OR2T6: variants seen among roughly 807,000 people sequenced by gnomAD.
OR2T6 encodes the protein olfactory receptor 2T6.
For missense variants in OR2T6, 424 were observed against 391.6 expected, an observed-to-expected ratio of 1.08 and a Z score of -0.70; for synonymous variants, 174 against 148.0, an observed-to-expected ratio of 1.18 and a Z score of -1.27.
Position 248,384,677 on chromosome 1 carries a change from C to T in OR2T6, c.-158-34C>T, listed in dbSNP as rs192556898. On this transcript the variant is annotated intron_variant, in intron 1 of 2. Coordinates refer to ENST00000641644, the MANE Select transcript of OR2T6 (RefSeq NM_001005471.2). ...CTCCTGAAGTGCTCCCTAATGTTAT[C>T]GTCTGTTTCTGCTCCCATTGACATT... 29 of 151,986 alleles carry T rather than the reference C, an allele frequency of 1.9e-4. 1 individual carries two copies. Among genetic ancestry groups the T allele is most frequent in the African/African-American group, 6.8e-4 (28 of 41,284 alleles). 9.4% of individuals were successfully genotyped at this position (151,986 alleles called of 1,614,324 possible).
At chr1:248,379,872 A>G (rs1384042109) in intron 1 of OR2T6, among the ~76,000 whole-genome samples, 1 of 151,448 alleles carries the variant, frequency 6.6e-6, no homozygotes, top group Non-Finnish European at 1.5e-5. Flanking sequence ...TTTTTGATTT[A>G]TTTTTATCAT....
At chr1:248,386,135 C>G (rs1558307063) in intron 2 of OR2T6, among the ~76,000 whole-genome samples, 1 of 152,214 alleles carries the variant, frequency 6.6e-6, no homozygotes, top group Non-Finnish European at 1.5e-5. Flanking sequence ...TCATCTGCCT[C>G]TCTGTCTGGT....
chr1:248,385,873 G>A (rs1661128783), intron 2 of OR2T6, among the ~76,000 whole-genome samples: 1 of 152,188 alleles, frequency 6.6e-6, no homozygotes, highest in South Asian at 2.1e-4. Flanking sequence ...AATTTACTCA[G>A]CTGTGGTCCT....
Position 248,387,602 on chromosome 1 carries a change from C to G in OR2T6, c.-4-3C>G. 1.3e-6 allele frequency: 2 copies of G among 1,552,658 alleles called. No homozygotes were observed. Among genetic ancestry groups the G allele is most frequent in the South Asian group, 1.2e-5 (1 of 82,926 alleles). Reference sequence around the variant, plus strand: ...TCTTCTTATGCCTCCATTTCAAACTCAGTACCATGAATGAAAACAATGAAA... The same window carrying G: ...TCTTCTTATGCCTCCATTTCAAACTGAGTACCATGAATGAAAACAATGAAA... On this transcript the variant is annotated splice_region_variant and splice_polypyrimidine_tract_variant and intron_variant, in intron 2 of 2. Transcript: ENST00000641644.
Position 248,388,528 on chromosome 1 carries a change from G to A in OR2T6, c.920G>A (p.Arg307Lys), listed in dbSNP as rs768370679. 5.1e-6 allele frequency: 8 copies of A among 1,561,494 alleles called. No individual in the cohort carries two copies. The African/African-American group carries it at 6.8e-5, about 13-fold the overall frequency. The change falls in exon 3 of 3, where the codon AGA becomes AAA. Residue 307 changes from arginine to lysine, a missense_variant. Physicochemically the swap from Arg to Lys is conservative, Grantham distance 26. Coordinates refer to ENST00000641644, the MANE Select transcript of OR2T6 (RefSeq NM_001005471.2). ...VMGALKRVVARC is the reference protein window; with the variant it reads ...VMGALKRVVAKC ...GGTGCCTTGAAGAGAGTTGTGGCAA[G>A]ATGTTAGGGGACATGTGGTGTGATG...
At chr1:248,379,480 A>G (rs1360495145) in intron 1 of OR2T6, among the ~76,000 whole-genome samples, 13 of 152,194 alleles carry the variant, frequency 8.5e-5, no homozygotes, top group Admixed American at 8.5e-4. Flanking sequence ...AACCACAATC[A>G]AAACTTGATC....
At chr1:248,383,024 T>C (rs1661066653) in intron 1 of OR2T6, among the ~76,000 whole-genome samples, 1 of 152,204 alleles carries the variant, frequency 6.6e-6, no homozygotes, top group Non-Finnish European at 1.5e-5. Context: ...CACCCTCTCC[T>C]GAAGTGTTTC....
Position 248,388,572 on chromosome 1 carries a change from T to C in OR2T6, c.*37T>C, listed in dbSNP as rs1344987283. ...TGTGATGAGGAAAGAATTCTGATGGTCTAAAACCTCCACATCCTGTTCAGG... is the reference window on the plus strand; with the variant it reads ...TGTGATGAGGAAAGAATTCTGATGGCCTAAAACCTCCACATCCTGTTCAGG... On this transcript the variant is annotated 3_prime_UTR_variant, in exon 3 of 3. Transcript: ENST00000641644. 4 of 1,478,074 alleles carry C rather than the reference T, an allele frequency of 2.7e-6. No individual in the cohort carries two copies. In the Admixed American group the frequency reaches 8.7e-5, roughly 32 times the overall value. 91.6% of individuals were successfully genotyped at this position (1,478,074 alleles called of 1,614,324 possible). A position where few individuals can be genotyped will look rare whatever the true frequency, so the allele number is the denominator to read the frequency against.
rs773197375 is a variant in OR2T6 at position 248,382,532 on chromosome 1, C to CTTTTTTTTTTTTTTTT, written c.-158-2176_-158-2175insTTTTTTTTTTTTTTTT. ...CAATACTCCATGTCTACCTTTCTTT[C>CTTTTTTTTTTTTTTTT]TTTCTTTTTTTTTTTTTTTAGATGG... On this transcript the variant is annotated intron_variant, in intron 1 of 2. Coordinates refer to ENST00000641644, the MANE Select transcript of OR2T6 (RefSeq NM_001005471.2). Among the ~76,000 whole-genome samples the CTTTTTTTTTTTTTTTT allele has an allele frequency of 1.7e-5, 2 of 117,288 alleles. 1 individual carries two copies. Among genetic ancestry groups the CTTTTTTTTTTTTTTTT allele is most frequent in the Non-Finnish European group, 3.6e-5 (2 of 54,882 alleles). 76.9% of individuals were successfully genotyped at this position (117,288 alleles called of 152,430 possible). A position where few individuals can be genotyped will look rare whatever the true frequency, so the allele number is the denominator to read the frequency against.
intron 2 of OR2T6, among the ~76,000 whole-genome samples, chr1:248,387,102 A>C (rs1401348090): frequency 1.3e-5 from 2 of 152,234 alleles, no homozygotes; most frequent in African/African-American, 4.8e-5. Flanking sequence ...AATCATGTTT[A>C]TTACAGTTCA....
At position 248,383,252 on chromosome 1, in the gene OR2T6, C is replaced by T. The variant is rs577090065; in HGVS notation, c.-158-1459C>T. 5.4e-4 allele frequency among the ~76,000 whole-genome samples: 65 copies of T among 119,944 alleles called. 1 individual carries two copies. The highest frequency in any genetic ancestry group is 2.6e-3 in the African/African-American group (59 of 22,466). 78.7% of individuals were successfully genotyped at this position (119,944 alleles called of 152,430 possible). ...CTGAAGTGTATCCTAGTGTTATCATCATGGAGAAAGCACTGCACTAGCCTG... is the reference window on the plus strand; with the variant it reads ...CTGAAGTGTATCCTAGTGTTATCATTATGGAGAAAGCACTGCACTAGCCTG... On this transcript the variant is annotated intron_variant, in intron 1 of 2. Transcript: ENST00000641644.
Position 248,389,898 on chromosome 1 carries a change from TGGTCCAC to T in OR2T6, c.*1364_*1370del, listed in dbSNP as rs1661219753. Reference sequence around the variant, plus strand: ...AAAAGCGGTCCTGGTCCAGGCCGGGTGGTCCACTGGTCTTGCAAGAAAGAGTCTCTGA... The same window carrying T: ...AAAAGCGGTCCTGGTCCAGGCCGGGTTGGTCTTGCAAGAAAGAGTCTCTGA... On this transcript the variant is annotated 3_prime_UTR_variant, in exon 3 of 3. Transcript: ENST00000641644. 1 of 152,062 alleles carries T rather than the reference TGGTCCAC, an allele frequency of 6.6e-6. No homozygotes were observed. The highest frequency in any genetic ancestry group is 1.5e-5 in the Non-Finnish European group (1 of 68,016). 9.4% of individuals were successfully genotyped at this position (152,062 alleles called of 1,614,324 possible).
chr1:248,385,039 C>CTTTG, intron 2 of OR2T6, among the ~76,000 whole-genome samples, 175 bp downstream of exon 2: 1 of 152,164 alleles, frequency 6.6e-6, no homozygotes, highest in Non-Finnish European at 1.5e-5. Flanking sequence ...CAAGAACCTC[C>CTTTG]TTTGTTGGTC....
At chr1:248,383,088 A>C (rs28384118) in intron 1 of OR2T6, among the ~76,000 whole-genome samples, 30,659 of 81,510 alleles carry the variant, frequency 0.38, 8,311 homozygotes, top group Middle Eastern at 0.5. Context: ...TGCTCATCCT[A>C]TCCTAATGTG....
intron 1 of OR2T6, among the ~76,000 whole-genome samples, chr1:248,380,084 G>C (rs901700293): frequency 2.0e-5 from 3 of 151,708 alleles, no homozygotes; most frequent in African/African-American, 7.3e-5. Context: ...TTAACTGTAT[G>C]TGTGTATGTA....
At position 248,388,198 on chromosome 1, in the gene OR2T6, C is replaced by T. The variant is rs1332733425; in HGVS notation, c.590C>T (p.Thr197Ile). 1.2e-6 allele frequency: 2 copies of T among 1,613,908 alleles called. No homozygotes were observed. The highest frequency in any genetic ancestry group is 1.7e-5 in the Admixed American group (1 of 60,002). Residue 197 changes from threonine (T) to isoleucine (I), a missense_variant, in exon 3 of 3, where the codon ACA becomes ATA. By Grantham distance (89) the Thr-to-Ile change is moderately conservative. Transcript: ENST00000641644. ...TGTGGGGACAAAACCACCTATGAAACAGTGATGTATGTGTGCTGCGTTGCA... is the reference window on the plus strand; with the variant it reads ...TGTGGGGACAAAACCACCTATGAAATAGTGATGTATGTGTGCTGCGTTGCA... The part of the protein sequence containing the change: ...LACGDKTTYE[T>I]VMYVCCVAML...
intron 1 of OR2T6, among the ~76,000 whole-genome samples, chr1:248,384,243 TCTCCTG>T: frequency 1.1e-5 from 1 of 87,936 alleles, no homozygotes; most frequent in African/African-American, 5.4e-5. Flanking sequence ...GTGCTCATCC[TCTCCTG>T]AAGTGTTTCC....
intron 1 of OR2T6, among the ~76,000 whole-genome samples, chr1:248,379,220 G>A (rs1003601292): frequency 1.3e-5 from 2 of 152,180 alleles, no homozygotes; most frequent in African/African-American, 2.4e-5. Flanking sequence ...TTGATATGTT[G>A]TTGATATTAT....
chr1:248,378,485 T>C (rs28514330), intron 1 of OR2T6, among the ~76,000 whole-genome samples: 13,601 of 152,262 alleles, frequency 0.089, 1,874 homozygotes, highest in African/African-American at 0.3. Flanking sequence ...ATATATAAAC[T>C]CTACCTTTCC....
Sources: allele counts gnomAD v4.1 joint callset (sites outside exome capture counted in the v4.1 genomes callset), GRCh38; gene constraint gnomAD v4.1.1; transcripts MANE v1.5; gene names NCBI Gene and HGNC (gene_info 2026-07-23, HGNC 2026-07-21).